LPP: variants seen among roughly 807,000 people sequenced by gnomAD.
LPP encodes LIM domain containing preferred translocation partner in lipoma.
In LPP, 38 loss-of-function variants were observed where a neutral mutation model predicts 60.4. The ratio of observed to expected loss-of-function variants is 0.63; its 90% confidence interval spans 0.49 to 0.83. The LOEUF (loss-of-function observed/expected upper bound fraction) is 0.83, where lower values mean the gene tolerates loss of function less well. Ranked by LOEUF, LPP falls within the 40% of genes least tolerant of loss-of-function variation. The probability of loss-of-function intolerance (pLI) is 0.00; values close to 1 mark genes in which losing one functional copy is unlikely to be tolerated. For synonymous variants in LPP, 328 were observed against 290.8 expected (o/e 1.13, Z -1.30); for missense variants, 902 against 783.6 (o/e 1.15, Z -1.80).
chr3:188,660,494 A>G (rs1162432518), intron 7 of LPP, among the ~76,000 whole-genome samples: 1 of 152,236 alleles, frequency 6.6e-6, no homozygotes, highest in Non-Finnish European at 1.5e-5. Flanking sequence ...ATCAATGTTT[A>G]GAGGGGTTGT....
intron 9 of LPP, among the ~76,000 whole-genome samples, chr3:188,761,749 C>T (rs1732436999): frequency 6.6e-6 from 1 of 152,132 alleles, no homozygotes; most frequent in African/African-American, 2.4e-5. Flanking sequence ...AGCAATTATG[C>T]ATAAGCGAAA....
chr3:188,240,673 C>G (rs1030380470), intron 2 of LPP, among the ~76,000 whole-genome samples: 2 of 151,622 alleles, frequency 1.3e-5, no homozygotes, highest in East Asian at 1.9e-4. Flanking sequence ...ATCATGTCAA[C>G]TAGTAAGGCT....
intron 6 of LPP, among the ~76,000 whole-genome samples, chr3:188,607,394 T>G (rs1209965061): frequency 3.1e-5 from 1 of 32,076 alleles, no homozygotes; most frequent in African/African-American, 1.2e-4. Flanking sequence ...TATATATATA[T>G]ATATATATAT....
At chr3:188,747,661 T>C (rs952257123) in intron 8 of LPP, among the ~76,000 whole-genome samples, 9 of 152,182 alleles carry the variant, frequency 5.9e-5, no homozygotes, top group African/African-American at 2.2e-4. Flanking sequence ...CAGTGGGAAG[T>C]ATTACCTAAA....
intron 8 of LPP, chr3:188,725,500 T>C (rs1307565191): frequency 2.0e-5 from 3 of 152,220 alleles, no homozygotes; most frequent in Non-Finnish European, 4.4e-5. Context: ...ACACAGCATG[T>C]ATAGGTAAGA....
chr3:188,577,741 CTTTGTTCCTTCG>C lies in LPP; in HGVS notation c.430-31417_430-31406del, dbSNP rs1192094210. On this transcript the variant is annotated intron_variant, in intron 6 of 11. Transcript: ENST00000617246. ...CTCCTCTCTTTGGTTTCCTTCCTTCCTTTGTTCCTTCGTTCCTTCGTTCCTTCCTTCCTTCCT... is the reference window on the plus strand; with the variant it reads ...CTCCTCTCTTTGGTTTCCTTCCTTCCTTCCTTCGTTCCTTCCTTCCTTCCT... Among the ~76,000 whole-genome samples, 655 of 92,300 alleles carry C rather than the reference CTTTGTTCCTTCG, an allele frequency of 7.1e-3. 2 individuals carry two copies. Among genetic ancestry groups the C allele is most frequent in the Non-Finnish European group, 0.013 (521 of 41,292 alleles). The allele number at this position is 92,300 out of a possible 152,430, so 60.6% of individuals were successfully genotyped here. A position where few individuals can be genotyped will look rare whatever the true frequency, so the allele number is the denominator to read the frequency against.
intron 7 of LPP, among the ~76,000 whole-genome samples, chr3:188,614,746 C>T (rs1169847632): frequency 1.3e-5 from 2 of 152,166 alleles, no homozygotes; most frequent in Non-Finnish European, 2.9e-5. Flanking sequence ...CTTTGGATGG[C>T]AGGAGCTCCT....
intron 9 of LPP, among the ~76,000 whole-genome samples, chr3:188,792,719 C>T (rs1372278235): frequency 6.6e-6 from 1 of 152,028 alleles, no homozygotes; most frequent in Non-Finnish European, 1.5e-5. Context: ...TTTTTTCCCG[C>T]TCATTCATAA....
chr3:188,422,947 G>C (rs1788237856), intron 4 of LPP, among the ~76,000 whole-genome samples: 1 of 151,064 alleles, frequency 6.6e-6, no homozygotes, highest in South Asian at 2.1e-4. Flanking sequence ...GTGTGTGTGT[G>C]TGTGTGTGTG....
intron 8 of LPP, among the ~76,000 whole-genome samples, chr3:188,714,962 G>A (rs919994262): frequency 6.6e-6 from 1 of 152,160 alleles, no homozygotes; most frequent in Non-Finnish European, 1.5e-5. Flanking sequence ...AAACCAGACA[G>A]TGAGTGTTTA....
intron 9 of LPP, among the ~76,000 whole-genome samples, chr3:188,771,606 G>A (rs1189322093): frequency 6.7e-6 from 1 of 148,388 alleles, no homozygotes; most frequent in Non-Finnish European, 1.5e-5. Context: ...AAAGAAAGAG[G>A]CACTTGAATG....
Position 188,410,963 on chromosome 3 carries a change from A to G in LPP, c.193+4650A>G, listed in dbSNP as rs373299250. ...CATCCTCATAGCTTAGCTCCCACTT[A>G]TAAGTGAGAACATACAATATTTGAT... On this transcript the variant is annotated intron_variant, in intron 4 of 11. Coordinates refer to ENST00000617246, the MANE Select transcript of LPP (RefSeq NM_001375462.1). Among the ~76,000 whole-genome samples the G allele has an allele frequency of 7.9e-5, 12 of 152,294 alleles. No homozygotes were observed. In the South Asian group the frequency reaches 2.5e-3, roughly 32 times the overall value.
At position 188,846,121 on chromosome 3, in the gene LPP, C is replaced by T. The variant is rs961737392; in HGVS notation, c.1411-20079C>T. 2.0e-4 allele frequency among the ~76,000 whole-genome samples: 31 copies of T among 152,156 alleles called. 1 individual carries two copies. Among genetic ancestry groups the T allele is most frequent in the Admixed American group, 8.5e-4 (13 of 15,274 alleles). On this transcript the variant is annotated intron_variant, in intron 9 of 11. Coordinates refer to ENST00000617246, the MANE Select transcript of LPP (RefSeq NM_001375462.1). ...AGTCAGGGGATGCAAAAGATGAGTC[C>T]GTGCTGGTCCCATTTCAAAGAACTC... is the stretch of plus-strand genomic sequence containing the variant.
intron 4 of LPP, among the ~76,000 whole-genome samples, chr3:188,465,676 T>C (rs1314939599): frequency 1.3e-5 from 2 of 152,200 alleles, no homozygotes; most frequent in East Asian, 3.8e-4. Flanking sequence ...TTTAGCTCTA[T>C]TCAGAAGGAG....
intron 8 of LPP, among the ~76,000 whole-genome samples, chr3:188,747,822 A>G (rs147076600): frequency 9.8e-4 from 150 of 152,330 alleles, no homozygotes; most frequent in Non-Finnish European, 1.7e-3. Flanking sequence ...GATGCAGACT[A>G]CAGTTTAGCA....
intron 7 of LPP, among the ~76,000 whole-genome samples, chr3:188,647,222 G>C (rs1381121837): frequency 6.6e-6 from 1 of 152,214 alleles, no homozygotes; most frequent in Non-Finnish European, 1.5e-5. Context: ...GGCCCACCCT[G>C]TGCAGGACTC....
At chr3:188,175,842 A>T (rs868683179) in intron 1 of LPP, among the ~76,000 whole-genome samples, 2,120 of 147,402 alleles carry the variant, frequency 0.014, 45 homozygotes, top group African/African-American at 0.05. Flanking sequence ...GTACATGTTA[A>T]TTTTTTTTTT....
At chr3:188,563,793 C>T (rs1400711320) in intron 6 of LPP, among the ~76,000 whole-genome samples, 2 of 144,864 alleles carry the variant, frequency 1.4e-5, no homozygotes, top group Non-Finnish European at 3.0e-5. Flanking sequence ...ATGTTAGAAT[C>T]CTCATCTTAG....
chr3:188,623,721 T>C (rs1846254999), intron 7 of LPP, among the ~76,000 whole-genome samples: 1 of 152,246 alleles, frequency 6.6e-6, no homozygotes, highest in African/African-American at 2.4e-5. Flanking sequence ...GCAACTCAAA[T>C]TGTCACTGCT....
Sources: allele counts gnomAD v4.1 joint callset (sites outside exome capture counted in the v4.1 genomes callset), GRCh38; gene constraint gnomAD v4.1.1; transcripts MANE v1.5; gene names NCBI Gene and HGNC (gene_info 2026-07-23, HGNC 2026-07-21).